The following SBF2 variants were observed in gnomAD, a reference collection of about 807,000 sequenced individuals.
SBF2 encodes the protein myotubularin-related protein 13.
In SBF2, 112 loss-of-function variants were observed where a neutral mutation model predicts 225.2. The ratio of observed to expected loss-of-function variants is 0.50; its 90% confidence interval spans 0.43 to 0.58. The LOEUF (loss-of-function observed/expected upper bound fraction) is 0.58, where lower values mean the gene tolerates loss of function less well. SBF2 is among the 20% of genes least tolerant of loss of function. The pLI is 0.00. For synonymous variants in SBF2, 763 were observed against 773.3 expected (o/e 0.99, Z 0.22); for missense variants, 1,996 against 2,206.2 (o/e 0.90, Z 1.91).
chr11:10,082,370 C>CA (rs1431595692), intron 2 of SBF2, among the ~76,000 whole-genome samples: 1 of 152,152 alleles, frequency 6.6e-6, no homozygotes, highest in Non-Finnish European at 1.5e-5. Context: ...TTCCCTAACT[C>CA]ATTCTATGAT....
intron 1 of SBF2, among the ~76,000 whole-genome samples, chr11:10,232,216 T>C (rs1282415419): frequency 6.6e-6 from 1 of 152,202 alleles, no homozygotes; most frequent in Non-Finnish European, 1.5e-5. Context: ...CACCCCTTTC[T>C]TTGACTAGGA....
At chr11:9,810,978 T>C (rs1354237675) in intron 30 of SBF2, 1 of 152,136 alleles carries the variant, frequency 6.6e-6, no homozygotes, top group Admixed American at 6.5e-5. Flanking sequence ...CCATCAACGG[T>C]AGACTGGATA....
intron 16 of SBF2, among the ~76,000 whole-genome samples, chr11:9,918,714 A>C (rs1023274047): frequency 6.7e-6 from 1 of 150,218 alleles, no homozygotes; most frequent in African/African-American, 2.5e-5. Context: ...AATATCTCTT[A>C]ATCTATTTTC....
intron 1 of SBF2, among the ~76,000 whole-genome samples, chr11:10,201,095 T>C (rs1044716997): frequency 7.9e-5 from 12 of 152,188 alleles, no homozygotes; most frequent in African/African-American, 2.7e-4. Context: ...AAGAATATCA[T>C]CTCAGAAGAA....
At chr11:9,994,992 G>C (rs1161654710) in intron 9 of SBF2, among the ~76,000 whole-genome samples, 1 of 150,422 alleles carries the variant, frequency 6.6e-6, no homozygotes, top group Non-Finnish European at 1.5e-5. Flanking sequence ...AGCTGAGATC[G>C]CACCACTGCA....
chr11:10,099,061 T>C (rs1952171126), intron 2 of SBF2, among the ~76,000 whole-genome samples: 2 of 152,022 alleles, frequency 1.3e-5, no homozygotes. Context: ...TTTAGATAAA[T>C]AATGCCTTAA....
chr11:10,149,303 G>C (rs1955051543), intron 2 of SBF2: 1 of 152,104 alleles, frequency 6.6e-6, no homozygotes, highest in South Asian at 2.1e-4. Flanking sequence ...AAGTCTTATG[G>C]GGTCTTTTTT....
In SBF2 at chr11:9,839,624, A is replaced by G; in HGVS notation, c.3329T>C (p.Val1110Ala). ...ATAGTCTCTGAAACAAGCTTTTTCC[A>G]CCAACTGTTCCATTGTAGACTTCTC... Reference protein sequence around the residue: ...ASEKSTMEQLVEKACFRDYQR... With the variant: ...ASEKSTMEQLAEKACFRDYQR... The change falls in exon 26 of 40, where the codon GTG becomes GCG. Residue 1110 changes from valine to alanine, a missense_variant. Physicochemically the swap from Val to Ala is moderately conservative, Grantham distance 64. Coordinates refer to ENST00000256190, the MANE Select transcript of SBF2 (RefSeq NM_030962.4). The G allele has an allele frequency of 6.2e-7, 1 of 1,614,042 alleles. No homozygotes were observed. Among genetic ancestry groups the G allele is most frequent in the Non-Finnish European group, 8.5e-7 (1 of 1,179,972 alleles).
intron 2 of SBF2, among the ~76,000 whole-genome samples, chr11:10,142,958 C>T (rs1954714196): frequency 6.6e-6 from 1 of 152,158 alleles, no homozygotes; most frequent in Non-Finnish European, 1.5e-5. Context: ...AATTGACACA[C>T]TCTTAGGGAA....
In SBF2 at chr11:10,031,059, C is replaced by G. The variant is rs748060451; in HGVS notation, c.391G>C (p.Glu131Gln). 3 of 1,612,222 alleles carry G rather than the reference C, an allele frequency of 1.9e-6. No individual in the cohort carries two copies. The highest frequency in any genetic ancestry group is 2.7e-5 in the African/African-American group (2 of 74,870). Reference sequence around the variant, plus strand: ...TATGTGTTCTTTACCCTAAAAATTTCTGGATAATATAATCTGGATACCAAC... The same window carrying G: ...TATGTGTTCTTTACCCTAAAAATTTGTGGATAATATAATCTGGATACCAAC... ...LVLVSRLYYP[E>Q]IFRACLGLIY... Residue 131 changes from glutamate to glutamine, a missense_variant, in exon 4 of 40, where the codon GAA becomes CAA. By Grantham distance (29) the Glu-to-Gln change is conservative (BLOSUM62 2). Transcript: ENST00000256190.
chr11:9,863,439 T>A (rs1857927871), intron 17 of SBF2, among the ~76,000 whole-genome samples: 1 of 152,128 alleles, frequency 6.6e-6, no homozygotes, highest in Non-Finnish European at 1.5e-5. Context: ...TAAAGAATAA[T>A]AGAGAGATTC....
At chr11:9,809,039 G>A (rs1012246561) in intron 30 of SBF2, 37 bp from the exon 31 acceptor site, 21 of 1,524,972 alleles carry the variant, frequency 1.4e-5, no homozygotes, top group East Asian at 4.5e-5. Context: ...TAGACCAAGC[G>A]CTTTCTGAGT....
chr11:10,211,014 C>CAAAAAAAAAAAAAA lies in SBF2; in HGVS notation c.56-17041_56-17028dup, dbSNP rs1230619092. ...GGCGACAAGAGCAAGACTCTTGACT[C>CAAAAAAAAAAAAAA]AAAAAAAAAAAAAAAAAAAAAGAGC... is the stretch of plus-strand genomic sequence containing the variant. On this transcript the variant is annotated intron_variant, in intron 1 of 39. Coordinates refer to ENST00000256190, the MANE Select transcript of SBF2 (RefSeq NM_030962.4). Among the ~76,000 whole-genome samples, 93 of 33,056 alleles carry CAAAAAAAAAAAAAA rather than the reference C, an allele frequency of 2.8e-3. 25 individuals carry two copies. The highest frequency in any genetic ancestry group is 4.8e-3 in the Non-Finnish European group (74 of 15,276). 21.7% of individuals were successfully genotyped at this position (33,056 alleles called of 152,430 possible).
intron 1 of SBF2, among the ~76,000 whole-genome samples, chr11:10,232,686 C>T (rs1438783588): frequency 1.3e-5 from 2 of 151,680 alleles, no homozygotes; most frequent in Non-Finnish European, 2.9e-5. Flanking sequence ...GTCTCAGCCT[C>T]CTGAGCAGCT....
chr11:9,990,251 T>C (rs772801270), intron 12 of SBF2, among the ~76,000 whole-genome samples: 5 of 152,204 alleles, frequency 3.3e-5, no homozygotes, highest in Non-Finnish European at 5.9e-5. Flanking sequence ...TAGGAACTAA[T>C]AGACTCACTG....
intron 32 of SBF2, among the ~76,000 whole-genome samples, chr11:9,800,757 C>G (rs1853445983): frequency 6.6e-6 from 1 of 152,076 alleles, no homozygotes; most frequent in Non-Finnish European, 1.5e-5. Flanking sequence ...CTGTGTTGCC[C>G]AGGCTGGTCT....
At chr11:9,781,764 T>A in intron 38 of SBF2, 126 bp from the exon 39 acceptor site, 1 of 1,111,164 alleles carries the variant, frequency 9.0e-7, no homozygotes, top group Non-Finnish European at 1.3e-6. Context: ...CCTCGAAGAA[T>A]ACACAAAAAA....
intron 8 of SBF2, 62 bp downstream of exon 8, chr11:10,000,851 AC>A (rs1389119554): frequency 2.1e-5 from 18 of 844,028 alleles, no homozygotes; most frequent in Non-Finnish European, 2.9e-5. Context: ...ATGTTATAGG[AC>A]CCAAAGAAAT....
At chr11:10,219,295 C>T (rs1049593647) in intron 1 of SBF2, among the ~76,000 whole-genome samples, 23 of 152,244 alleles carry the variant, frequency 1.5e-4, no homozygotes, top group Admixed American at 5.2e-4. Context: ...CTTGCACCCT[C>T]TGAAGCCATG....
Sources: gnomAD v4.1 joint callset for allele counts (sites outside exome capture counted in the v4.1 genomes callset) on GRCh38, gnomAD v4.1.1 for gene constraint, MANE v1.5 for transcripts, NCBI Gene and HGNC (gene_info 2026-07-23, HGNC 2026-07-21) for gene names.